Variants in TMEM220 observed in about 807,000 individuals in gnomAD.
TMEM220 encodes the protein transmembrane protein 220.
In TMEM220, 21 loss-of-function variants were observed where a neutral mutation model predicts 21.7. The ratio of observed to expected loss-of-function variants is 0.97; its 90% CI spans 0.69 to 1.39. The LOEUF (loss-of-function observed/expected upper bound fraction) is 1.39, where lower values mean the gene tolerates loss of function less well. Among genes scored for constraint, TMEM220 ranks in the 40% most tolerant of loss-of-function variants. The probability of loss-of-function intolerance (pLI) is 0.00; values close to 1 mark genes in which losing one functional copy is unlikely to be tolerated. For missense variants in TMEM220, 191 were observed against 201.9 expected, an observed-to-expected ratio of 0.95 and a Z score of 0.33; for synonymous variants, 80 against 73.6, an observed-to-expected ratio of 1.09 and a Z score of -0.45.
chr17:10,719,417 G>A (rs966665282), intron 5 of TMEM220, among the ~76,000 whole-genome samples: 4 of 152,044 alleles, frequency 2.6e-5, no homozygotes, highest in South Asian at 2.1e-4. Context: ...ACAGGCACCC[G>A]CCACCATGCC....
chr17:10,715,798 T>G (rs1035381260), intron 5 of TMEM220, among the ~76,000 whole-genome samples: 5 of 152,200 alleles, frequency 3.3e-5, no homozygotes, highest in African/African-American at 1.2e-4. Flanking sequence ...CTTGTCCCAT[T>G]TGATGTCTTT....
rs766593188 is a variant in TMEM220, at chr17:10,723,338, G to T, written c.288-9C>A. 1 of 1,613,648 alleles carries T rather than the reference G, an allele frequency of 6.2e-7. No homozygotes were observed. The highest frequency in any genetic ancestry group is 1.1e-5 in the South Asian group (1 of 91,066). On this transcript the variant is annotated splice_polypyrimidine_tract_variant and intron_variant, in intron 4 of 5. Transcript: ENST00000341871. Reference sequence around the variant, plus strand: ...CCAGACCAGACAGCTCCCTATAAAAGGGTGTACATTTCAGATTTTGGAAGT... The same window carrying T: ...CCAGACCAGACAGCTCCCTATAAAATGGTGTACATTTCAGATTTTGGAAGT...
At chr17:10,716,893 ATG>A (rs2074928803) in intron 5 of TMEM220, among the ~76,000 whole-genome samples, 1 of 152,136 alleles carries the variant, frequency 6.6e-6, no homozygotes, top group South Asian at 2.1e-4. Context: ...TTATAGTTTT[ATG>A]TGTAGAGATT....
intron 5 of TMEM220, among the ~76,000 whole-genome samples, chr17:10,720,734 T>A (rs1309309670): frequency 6.6e-6 from 1 of 152,218 alleles, no homozygotes; most frequent in Non-Finnish European, 1.5e-5. Context: ...GGGATTAGCA[T>A]ACAGAACACT....
At chr17:10,715,646 A>G (rs934911953) in intron 5 of TMEM220, 58 bp from the exon 6 acceptor site, 248 of 1,350,184 alleles carry the variant, frequency 1.8e-4, no homozygotes, top group Admixed American at 4.7e-4. Context: ...GGAAACAAGT[A>G]TAAAGACTGA....
rs148709695 is a variant in TMEM220 at position 10,723,073 on chromosome 17, C to T, written c.347+197G>A. Among the ~76,000 whole-genome samples the T allele has an allele frequency of 8.6e-5, 13 of 151,806 alleles. No individual in the cohort carries two copies. In the East Asian group the frequency reaches 2.1e-3, roughly 25 times the overall value. ...TTGGCTCACTGCAACCTCTGTCTCCCGGGTTCAAGCGATTCCCCTGCCTCA... is the reference window on the plus strand; with the variant it reads ...TTGGCTCACTGCAACCTCTGTCTCCTGGGTTCAAGCGATTCCCCTGCCTCA... On this transcript the variant is annotated intron_variant, in intron 5 of 5. Transcript: ENST00000341871.
At chr17:10,716,175 G>A (rs768615526) in intron 5 of TMEM220, 69 of 896,108 alleles carry the variant, frequency 7.7e-5, no homozygotes, top group Admixed American at 3.6e-4. Flanking sequence ...CTGGATCCTT[G>A]GATTGACTGA....
intron 5 of TMEM220, chr17:10,716,185 A>G: frequency 1.1e-6 from 1 of 898,522 alleles, no homozygotes; most frequent in Non-Finnish European, 1.8e-6. Flanking sequence ...GGATTGACTG[A>G]CATCAATAAG....
At chr17:10,721,616 AAAAG>A (rs1259520196) in intron 5 of TMEM220, among the ~76,000 whole-genome samples, 11 of 53,978 alleles carry the variant, frequency 2.0e-4, no homozygotes, top group African/African-American at 7.6e-4. Context: ...AAAAAAAAAA[AAAAG>A]AAAAAAAGAA....
At position 10,715,313 on chromosome 17, in the gene TMEM220, A is replaced by G. The variant is rs1014293605; in HGVS notation, c.*140T>C. ...GTCCCATCCAATCTTACATCGAATT[A>G]TATGCACCCTTAAAAAGTTATTTGG... is the stretch of plus-strand genomic sequence containing the variant. On this transcript the variant is annotated 3_prime_UTR_variant, in exon 6 of 6. Transcript: ENST00000341871. The G allele has an allele frequency of 7.1e-6, 5 of 701,534 alleles. No homozygotes were observed. The highest frequency in any genetic ancestry group is 1.1e-5 in the Non-Finnish European group (5 of 441,952). The allele number at this position is 701,534 out of a possible 1,614,324, so 43.5% of individuals were successfully genotyped here. A position where few individuals can be genotyped will look rare whatever the true frequency, so the allele number is the denominator to read the frequency against.
intron 4 of TMEM220, chr17:10,724,579 CAAAAAA>C: frequency 7.8e-6 from 1 of 127,642 alleles, no homozygotes. Context: ...GACTCCGTTT[CAAAAAA>C]AAAAAAAAAA....
Position 10,715,299 on chromosome 17 carries a change from T to A in TMEM220, c.*154A>T. 1.6e-6 allele frequency: 1 copy of A among 610,470 alleles called. No homozygotes were observed. Among genetic ancestry groups the A allele is most frequent in the Non-Finnish European group, 2.7e-6 (1 of 368,768 alleles). 37.8% of individuals were successfully genotyped at this position (610,470 alleles called of 1,614,324 possible). A position where few individuals can be genotyped will look rare whatever the true frequency, so the allele number is the denominator to read the frequency against. On this transcript the variant is annotated 3_prime_UTR_variant, in exon 6 of 6. Transcript: ENST00000341871. ...ACCATCTCTTACTTGTCCCATCCAA[T>A]CTTACATCGAATTATATGCACCCTT...
At chr17:10,716,602 T>C (rs186798398) in intron 5 of TMEM220, 38 of 453,036 alleles carry the variant, frequency 8.4e-5, no homozygotes, top group African/African-American at 5.1e-4. Context: ...TTTTTTATAA[T>C]AGACCTGTGA....
intron 4 of TMEM220, among the ~76,000 whole-genome samples, chr17:10,724,769 G>A (rs1354248026): frequency 6.6e-6 from 1 of 152,154 alleles, no homozygotes; most frequent in East Asian, 1.9e-4. Context: ...GTAATATAAT[G>A]TAATATGTAG....
At chr17:10,722,874 T>C (rs2075007929) in intron 5 of TMEM220, among the ~76,000 whole-genome samples, 1 of 152,168 alleles carries the variant, frequency 6.6e-6, no homozygotes, top group East Asian at 1.9e-4. Context: ...TCAACTATTA[T>C]TAACTTCCCT....
At chr17:10,720,883 T>C (rs1158833348) in intron 5 of TMEM220, among the ~76,000 whole-genome samples, 1 of 152,198 alleles carries the variant, frequency 6.6e-6, no homozygotes, top group Non-Finnish European at 1.5e-5. Context: ...TGGGTGATTA[T>C]GTTGAGGTCA....
intron 5 of TMEM220, among the ~76,000 whole-genome samples, chr17:10,717,216 G>A (rs932797058): frequency 6.6e-6 from 1 of 152,186 alleles, no homozygotes; most frequent in African/African-American, 2.4e-5. Context: ...ACAATAGCTA[G>A]CATGGCATTG....
intron 1 of TMEM220, 101 bp from the exon 2 acceptor site, chr17:10,729,161 A>T: frequency 7.5e-7 from 1 of 1,333,904 alleles, no homozygotes; most frequent in Non-Finnish European, 1.1e-6. Context: ...TAAGTGCCAG[A>T]CACTGCAATA....
intron 5 of TMEM220, among the ~76,000 whole-genome samples, chr17:10,721,249 G>T (rs2074984823): frequency 6.6e-6 from 1 of 152,066 alleles, no homozygotes; most frequent in African/African-American, 2.4e-5. Flanking sequence ...AAGTGCCACT[G>T]GACAAAAATG....
Sources: gnomAD v4.1 joint callset for allele counts (sites outside exome capture counted in the v4.1 genomes callset) on GRCh38, gnomAD v4.1.1 for gene constraint, MANE v1.5 for transcripts, NCBI Gene and HGNC (gene_info 2026-07-23, HGNC 2026-07-21) for gene names.